CALN1: variants seen among roughly 807,000 people sequenced by gnomAD.
The protein encoded by CALN1 is calneuron 1.
Under a neutral mutation model 30.6 loss-of-function variants are expected in CALN1, and 17 were observed. That is an observed-to-expected ratio of 0.56 (90% CI 0.38 to 0.83). The LOEUF (loss-of-function observed/expected upper bound fraction) is 0.83, where lower values mean the gene tolerates loss of function less well. Among genes scored for constraint, CALN1 ranks in the 40% least tolerant of loss-of-function variants. The probability of loss-of-function intolerance (pLI) is 0.00; values close to 1 mark genes in which losing one functional copy is unlikely to be tolerated. For synonymous variants in CALN1, 156 were observed against 131.4 expected, an observed-to-expected ratio of 1.19 and a Z score of -1.28; for missense variants, 291 against 354.9, an observed-to-expected ratio of 0.82 and a Z score of 1.45.
intron 1 of CALN1, among the ~76,000 whole-genome samples, chr7:72,406,298 C>T (rs1040937520): frequency 1.3e-5 from 2 of 152,162 alleles, no homozygotes; most frequent in Admixed American, 1.3e-4. Context: ...TAAGACAGAC[C>T]TCCATCTTCC....
At chr7:72,059,545 G>A (rs548551195) in intron 4 of CALN1, among the ~76,000 whole-genome samples, 38 of 152,258 alleles carry the variant, frequency 2.5e-4, no homozygotes, top group Non-Finnish European at 1.8e-4. Flanking sequence ...AATCTTGTTA[G>A]AAGCATAATA....
chr7:71,904,230 C>G (rs1349404480), intron 5 of CALN1, among the ~76,000 whole-genome samples: 1 of 152,202 alleles, frequency 6.6e-6, no homozygotes, highest in African/African-American at 2.4e-5. Flanking sequence ...AATCAGTACA[C>G]TGAAGAGAAT....
At chr7:72,367,109 T>A (rs1388960597) in intron 2 of CALN1, among the ~76,000 whole-genome samples, 7 of 151,240 alleles carry the variant, frequency 4.6e-5, no homozygotes, top group African/African-American at 1.5e-4. Flanking sequence ...ATTTTAATAA[T>A]AAAAAAAAAC....
At chr7:71,840,700 G>A (rs1789889408) in intron 5 of CALN1, among the ~76,000 whole-genome samples, 1 of 151,750 alleles carries the variant, frequency 6.6e-6, no homozygotes, top group South Asian at 2.1e-4. Context: ...TATAAAATGG[G>A]GATAATAATA....
chr7:72,240,857 T>C (rs492481), intron 3 of CALN1, among the ~76,000 whole-genome samples: 110,650 of 152,140 alleles, frequency 0.73, 41,213 homozygotes, highest in East Asian at 1. Flanking sequence ...ATCATGCTTT[T>C]CTGCTGTTCT....
chr7:72,017,017 A>AAAAAAAAAAAAAAAAAAAAAAAAAAG, intron 5 of CALN1, among the ~76,000 whole-genome samples: 1 of 147,576 alleles, frequency 6.8e-6, no homozygotes, highest in East Asian at 2.0e-4. Flanking sequence ...AAAAAAAAAA[A>AAAAAAAAAAAAAAAAAAAAAAAAAAG]GCTGGGTATG....
At chr7:71,932,541 G>C (rs892040393) in intron 5 of CALN1, among the ~76,000 whole-genome samples, 2 of 152,158 alleles carry the variant, frequency 1.3e-5, no homozygotes, top group African/African-American at 4.8e-5. Flanking sequence ...GTGCCGGGCA[G>C]GGTGGCTCAC....
chr7:72,071,695 G>A (rs1246980795), intron 4 of CALN1, among the ~76,000 whole-genome samples: 1 of 152,172 alleles, frequency 6.6e-6, no homozygotes, highest in Non-Finnish European at 1.5e-5. Flanking sequence ...AGCTTCAAAT[G>A]TTTAGTTTTC....
intron 4 of CALN1, among the ~76,000 whole-genome samples, chr7:72,063,508 T>C (rs1803807629): frequency 6.6e-6 from 1 of 152,294 alleles, no homozygotes; most frequent in Non-Finnish European, 1.5e-5. Context: ...GTTGCTGAGC[T>C]AGATAGAGGC....
At chr7:71,971,674 G>A (rs943709212) in intron 5 of CALN1, among the ~76,000 whole-genome samples, 1 of 151,402 alleles carries the variant, frequency 6.6e-6, no homozygotes, top group African/African-American at 2.4e-5. Flanking sequence ...AACGCAGGGG[G>A]ATCACTTGAG....
At chr7:72,087,819 A>G (rs1284551849) in intron 4 of CALN1, among the ~76,000 whole-genome samples, 1 of 152,200 alleles carries the variant, frequency 6.6e-6, no homozygotes, top group Admixed American at 6.5e-5. Flanking sequence ...AAAGCAAAAA[A>G]CAAAAAAGGG....
chr7:72,407,175 T>C (rs1806756229), intron 1 of CALN1, among the ~76,000 whole-genome samples: 1 of 152,232 alleles, frequency 6.6e-6, no homozygotes, highest in Admixed American at 6.5e-5. Context: ...CCAGTTCAAA[T>C]CCTGGCTGTG....
rs537066960 is a variant in CALN1 at position 72,356,229 on chromosome 7, G to C, written c.119+47022C>G. 2.3e-4 allele frequency among the ~76,000 whole-genome samples: 35 copies of C among 150,204 alleles called. 1 individual carries two copies. The highest frequency in any genetic ancestry group is 8.8e-4 in the African/African-American group (35 of 39,608). On this transcript the variant is annotated intron_variant, in intron 2 of 6. Coordinates refer to ENST00000395275, the MANE Select transcript of CALN1 (RefSeq NM_031468.4). ...GAAAAAGATATGGTTTCAAATGGAG[G>C]AACAGAGATGAAAGGGTAAGGAGCA...
At chr7:72,044,598 A>ATTTTT (rs1563005478) in intron 4 of CALN1, among the ~76,000 whole-genome samples, 4 of 114,440 alleles carry the variant, frequency 3.5e-5, no homozygotes, top group South Asian at 3.3e-4. Flanking sequence ...TCCGCTTAAA[A>ATTTTT]CTTTTTTTTT....
intron 5 of CALN1, among the ~76,000 whole-genome samples, chr7:71,857,536 A>T (rs890792366): frequency 6.6e-6 from 1 of 152,090 alleles, no homozygotes; most frequent in Non-Finnish European, 1.5e-5. Context: ...ATTTACCCAC[A>T]TCCATCCTTC....
chr7:72,344,222 A>T (rs1802512415), intron 2 of CALN1, among the ~76,000 whole-genome samples: 1 of 152,116 alleles, frequency 6.6e-6, no homozygotes, highest in Non-Finnish European at 1.5e-5. Context: ...ATTCTGTTGG[A>T]GAGAGACAAG....
At chr7:71,975,943 A>C (rs1371543456) in intron 5 of CALN1, among the ~76,000 whole-genome samples, 4 of 149,828 alleles carry the variant, frequency 2.7e-5, no homozygotes, top group East Asian at 2.1e-4. Context: ...CAAAAACTGC[A>C]ATTACTTTGG....
chr7:71,784,197 C>G lies in CALN1; in HGVS notation c.*3578G>C, dbSNP rs1471963384. ...AGGGATGGGGAGATACCAGGGCTTA[C>G]AGGTAGCTCCTGCTCTCCTGAGTAA... On this transcript the variant is annotated 3_prime_UTR_variant, in exon 7 of 7. Coordinates refer to ENST00000395275, the MANE Select transcript of CALN1 (RefSeq NM_031468.4). 6.6e-6 allele frequency: 1 copy of G among 152,168 alleles called. No individual in the cohort carries two copies. Among genetic ancestry groups the G allele is most frequent in the African/African-American group, 2.4e-5 (1 of 41,444 alleles). The allele number at this position is 152,168 out of a possible 1,614,324, so 9.4% of individuals were successfully genotyped here.
intron 6 of CALN1, among the ~76,000 whole-genome samples, chr7:71,790,402 A>G (rs1460784544): frequency 1.1e-5 from 1 of 92,350 alleles, no homozygotes; most frequent in Non-Finnish European, 2.3e-5. Context: ...GAAAGAAAGA[A>G]AGAAAGAAAG....
Sources: gnomAD v4.1 joint callset for allele counts (sites outside exome capture counted in the v4.1 genomes callset) on GRCh38, gnomAD v4.1.1 for gene constraint, MANE v1.5 for transcripts, NCBI Gene and HGNC (gene_info 2026-07-23, HGNC 2026-07-21) for gene names.